XPNPEP3: variants seen among roughly 807,000 people sequenced by gnomAD.
XPNPEP3 encodes the protein X-prolyl aminopeptidase 3.
XPNPEP3 carries 41 observed loss-of-function variants against 60.0 expected under a neutral mutation model. The ratio of observed to expected loss-of-function variants is 0.68; its 90% CI spans 0.53 to 0.89. The LOEUF is 0.89. XPNPEP3 is among the 40% of genes least tolerant of loss of function. The pLI, the probability that XPNPEP3 is intolerant of heterozygous loss-of-function variation, is 0.00. For synonymous variants in XPNPEP3, 212 were observed against 223.2 expected (o/e 0.95, Z 0.45); for missense variants, 598 against 638.9 (o/e 0.94, Z 0.69).
At position 40,869,000 on chromosome 22, in the gene XPNPEP3, A is replaced by T. The variant is rs2076150150; in HGVS notation, c.66A>T (p.Gly22=). Residue 22 remains glycine (G), a splice_region_variant and synonymous_variant, in exon 2 of 10, where the codon GGA becomes GGT. Coordinates refer to ENST00000357137, the MANE Select transcript of XPNPEP3 (RefSeq NM_022098.4). ...TCATTCTCTTTATTCTTCATTCAGG[A>T]TGTATGTTGTGTTCACAGCGAAGGT... ...PAVANVRGLS[G]CMLCSQRRYS... is the part of the protein sequence containing the mutation. 1 of 1,610,458 alleles carries T rather than the reference A, an allele frequency of 6.2e-7. No homozygotes were observed. The highest frequency in any genetic ancestry group is 1.3e-5 in the African/African-American group (1 of 74,818).
intron 1 of XPNPEP3, among the ~76,000 whole-genome samples, chr22:40,864,928 G>A (rs945851825): frequency 7.2e-5 from 11 of 152,202 alleles, no homozygotes; most frequent in African/African-American, 2.4e-4. Flanking sequence ...TGGTTCAAAC[G>A]CCTCTGACAC....
At chr22:40,860,559 T>G (rs2145764462) in intron 1 of XPNPEP3, 1 of 985,040 alleles carries the variant, frequency 1.0e-6, no homozygotes, top group East Asian at 2.9e-5. Context: ...TTTCGTAAGT[T>G]TGTATAGTGG....
At chr22:40,901,138 T>G (rs2058130919) in intron 4 of XPNPEP3, among the ~76,000 whole-genome samples, 1 of 151,018 alleles carries the variant, frequency 6.6e-6, no homozygotes, top group South Asian at 2.1e-4. Context: ...AAAAATTGTT[T>G]AAAAGGACAC....
At chr22:40,904,477 G>A (rs1389924316) in intron 4 of XPNPEP3, among the ~76,000 whole-genome samples, 1 of 152,254 alleles carries the variant, frequency 6.6e-6, no homozygotes, top group East Asian at 1.9e-4. Flanking sequence ...GTTCAAGACA[G>A]TAGTGCACCA....
In XPNPEP3 at chr22:40,928,027, G is replaced by A. The variant is rs2058241206; in HGVS notation, c.*1592G>A. On this transcript the variant is annotated 3_prime_UTR_variant, in exon 10 of 10. Transcript: ENST00000357137. The stretch of plus-strand genomic sequence containing the variant: ...GATCCTCTACTTACGTACCCTGTCA[G>A]AGTCACAGTAGTAGCGCCCAGTTTT... The A allele has an allele frequency of 6.6e-6, 1 of 151,906 alleles. No homozygotes were observed. Among genetic ancestry groups the A allele is most frequent in the Admixed American group, 6.6e-5 (1 of 15,258 alleles). The allele number at this position is 151,906 out of a possible 1,614,324, so 9.4% of individuals were successfully genotyped here.
At chr22:40,888,469 C>G (rs772708480) in intron 4 of XPNPEP3, 1 of 416,470 alleles carries the variant, frequency 2.4e-6, no homozygotes, top group South Asian at 1.7e-5. Flanking sequence ...GTCTCGAACT[C>G]CTGAGCTCAA....
chr22:40,920,785 A>G (rs2050197734), intron 7 of XPNPEP3, among the ~76,000 whole-genome samples: 1 of 151,980 alleles, frequency 6.6e-6, no homozygotes. Flanking sequence ...AACCTCATGC[A>G]GTTCTTTTTT....
At chr22:40,862,403 C>T (rs1245129770) in intron 1 of XPNPEP3, 6 of 990,300 alleles carry the variant, frequency 6.1e-6, no homozygotes, top group South Asian at 4.7e-5. Context: ...TAGATTACTG[C>T]GCCTTAATTG....
At chr22:40,882,558 G>T (rs1197979587) in intron 3 of XPNPEP3, among the ~76,000 whole-genome samples, 1 of 151,914 alleles carries the variant, frequency 6.6e-6, no homozygotes, top group East Asian at 1.9e-4. Context: ...AATCACTTGA[G>T]CCCGGGAGGT....
chr22:40,860,036 A>T (rs1325178392), intron 1 of XPNPEP3: 1 of 152,220 alleles, frequency 6.6e-6, no homozygotes, highest in Admixed American at 6.5e-5. Flanking sequence ...GTGGTAAAAT[A>T]TACTACATAA....
At chr22:40,873,378 C>A (rs1166616249) in intron 2 of XPNPEP3, among the ~76,000 whole-genome samples, 1 of 151,618 alleles carries the variant, frequency 6.6e-6, no homozygotes. Context: ...GCTGGGATTA[C>A]ATGCGTGAGC....
At chr22:40,895,336 T>G (rs1387518873) in intron 4 of XPNPEP3, among the ~76,000 whole-genome samples, 9 of 151,760 alleles carry the variant, frequency 5.9e-5, no homozygotes, top group Non-Finnish European at 1.0e-4. Context: ...TTAGTGCTTT[T>G]CTTTTCTTTT....
At position 40,926,452 on chromosome 22, in the gene XPNPEP3, C is replaced by T. The variant is rs752109776; in HGVS notation, c.*17C>T. On this transcript the variant is annotated 3_prime_UTR_variant, in exon 10 of 10. Coordinates refer to ENST00000357137, the MANE Select transcript of XPNPEP3 (RefSeq NM_022098.4). ...GCTTCTTGACCTTCACTGCGGCCCA[C>T]ATGCACCTCAGGTTCAAAATGGGTG... 1 of 1,613,992 alleles carries T rather than the reference C, an allele frequency of 6.2e-7. No individual in the cohort carries two copies. The highest frequency in any genetic ancestry group is 1.3e-5 in the African/African-American group (1 of 75,024).
chr22:40,874,487 G>A (rs908716746), intron 2 of XPNPEP3, among the ~76,000 whole-genome samples: 1 of 151,962 alleles, frequency 6.6e-6, no homozygotes, highest in African/African-American at 2.4e-5. Context: ...GTACAGTGCC[G>A]AGATCATGGC....
intron 2 of XPNPEP3, among the ~76,000 whole-genome samples, chr22:40,876,622 A>G (rs2058028435): frequency 1.3e-5 from 2 of 152,262 alleles, no homozygotes; most frequent in South Asian, 4.1e-4. Flanking sequence ...TTTCAACCAC[A>G]AAACAGTGCA....
chr22:40,915,506 T>C (rs546688310), intron 7 of XPNPEP3, among the ~76,000 whole-genome samples: 4 of 151,364 alleles, frequency 2.6e-5, no homozygotes, highest in East Asian at 2.0e-4. Flanking sequence ...TGAGCTAAGA[T>C]TGGACTCTGC....
At position 40,898,225 on chromosome 22, in the gene XPNPEP3, ATTTTTTTTTTTTTTTTTTTTT is replaced by A. The variant is rs71200626; in HGVS notation, c.793-9343_793-9323del. 8.0e-3 allele frequency among the ~76,000 whole-genome samples: 231 copies of A among 28,788 alleles called. 7 individuals are homozygous for A. Among genetic ancestry groups the A allele is most frequent in the Middle Eastern group, 0.021 (1 of 48 alleles). 18.9% of individuals were successfully genotyped at this position (28,788 alleles called of 152,430 possible). A position where few individuals can be genotyped will look rare whatever the true frequency, so the allele number is the denominator to read the frequency against. ...TGTTTTATGTTTAGGTCTTTGACCC[ATTTTTTTTTTTTTTTTTTTTT>A]TTTTTTTTTTTTTTTTTTGAGACGG... is the stretch of plus-strand genomic sequence containing the variant. On this transcript the variant is annotated intron_variant, in intron 4 of 9. Transcript: ENST00000357137.
intron 9 of XPNPEP3, 107 bp downstream of exon 9, chr22:40,924,589 T>A (rs2058228318): frequency 6.8e-7 from 1 of 1,464,756 alleles, no homozygotes; most frequent in Non-Finnish European, 9.3e-7. Context: ...AGTGGTGTGA[T>A]CTTCACTCAC....
chr22:40,908,028 A>G (rs577333629), intron 5 of XPNPEP3, among the ~76,000 whole-genome samples: 2 of 152,298 alleles, frequency 1.3e-5, no homozygotes, highest in East Asian at 1.9e-4. Context: ...AGCCTGGCCA[A>G]CGTGGCAAAA....
Sources: gnomAD v4.1 joint callset for allele counts (sites outside exome capture counted in the v4.1 genomes callset) on GRCh38, gnomAD v4.1.1 for gene constraint, MANE v1.5 for transcripts, NCBI Gene and HGNC (gene_info 2026-07-23, HGNC 2026-07-21) for gene names.